The following MRE11 variants were observed in gnomAD, a reference collection of about 807,000 sequenced individuals.
MRE11 encodes the protein MRE11 double strand break repair nuclease, also known as double-strand break repair protein MRE11.
MRE11 carries 62 observed loss-of-function variants against 91.7 expected under a neutral mutation model. That is an observed-to-expected ratio of 0.68 (90% confidence interval 0.55 to 0.84). MRE11 has a LOEUF of 0.84. Ranked by LOEUF, MRE11 falls within the 40% of genes least tolerant of loss-of-function variation. The pLI is 0.00. For missense variants in MRE11, 796 were observed against 852.9 expected, an observed-to-expected ratio of 0.93 and a Z score of 0.83; for synonymous variants, 273 against 271.4, an observed-to-expected ratio of 1.01 and a Z score of -0.06.
intron 14 of MRE11, among the ~76,000 whole-genome samples, chr11:94,453,500 T>A (rs150551184): frequency 1.5e-3 from 221 of 152,350 alleles, no homozygotes; most frequent in South Asian, 4.1e-3. Context: ...GGTGTTTTAA[T>A]AACAGCCATC....
Position 94,447,458 on chromosome 11 carries a change from G to C in MRE11, c.1564-20C>G, listed in dbSNP as rs191097162. 1.0e-5 allele frequency: 16 copies of C among 1,605,776 alleles called. No homozygotes were observed. The highest frequency in any genetic ancestry group is 1.4e-5 in the Non-Finnish European group (16 of 1,172,466). On this transcript the variant is annotated intron_variant, in intron 14 of 19. Coordinates refer to ENST00000323929, the MANE Select transcript of MRE11 (RefSeq NM_005591.4). ...CATAGCCTAAGAGGGAGAAGAAGGA[G>C]AAAGTACACACAATGAGATAACGTA...
At position 94,484,423 on chromosome 11, in the gene MRE11, C is replaced by T. The variant is rs373022262; in HGVS notation, c.314+1501G>A. ...CAAATTTAAGGAGGAACAGAAAAGT[C>T]GCACAGCCTCAAAATATCTACCCTA... On this transcript the variant is annotated intron_variant, in intron 4 of 19. Coordinates refer to ENST00000323929, the MANE Select transcript of MRE11 (RefSeq NM_005591.4). Among the ~76,000 whole-genome samples the T allele has an allele frequency of 2.1e-4, 32 of 152,256 alleles. 2 individuals carry two copies. Among genetic ancestry groups the T allele is most frequent in the African/African-American group, 6.3e-4 (26 of 41,560 alleles).
chr11:94,419,883 G>A lies in MRE11; in HGVS notation c.*242C>T, dbSNP rs1359148018. ...TAGTTTTTCATTATGAAATAGAAAT[G>A]TAAAATGGTAGCTTTATTTTAATCT... On this transcript the variant is annotated 3_prime_UTR_variant, in exon 20 of 20. Transcript: ENST00000323929. The A allele has an allele frequency of 1.9e-5, 6 of 308,844 alleles. No individual in the cohort carries two copies. The highest frequency in any genetic ancestry group is 6.0e-6 in the Non-Finnish European group (1 of 166,120). 19.1% of individuals were successfully genotyped at this position (308,844 alleles called of 1,614,324 possible). A position where few individuals can be genotyped will look rare whatever the true frequency, so the allele number is the denominator to read the frequency against.
chr11:94,484,892 T>C (rs1420905276), intron 4 of MRE11, among the ~76,000 whole-genome samples: 2 of 152,172 alleles, frequency 1.3e-5, no homozygotes, highest in Admixed American at 6.5e-5. Flanking sequence ...TTCTACTAAA[T>C]GCAATGTGAG....
At chr11:94,498,043 T>A (rs767598661), upstream of MRE11, 2 of 1,518,380 alleles carry the variant, frequency 1.3e-6, no homozygotes, top group South Asian at 2.5e-5. Flanking sequence ...TTGAGTTGAG[T>A]TGAAAGATTT....
At chr11:94,506,583 T>C in the MRE11 span, among the ~76,000 whole-genome samples, 1 of 149,726 alleles carries the variant, frequency 6.7e-6, no homozygotes. Flanking sequence ...AGACAGTAAT[T>C]GCTTTTTTTG....
At chr11:94,498,064 T>C (rs1203218620), upstream of MRE11, 4 of 1,553,816 alleles carry the variant, frequency 2.6e-6, no homozygotes, top group East Asian at 6.8e-5. Context: ...CTTTTTTTTC[T>C]TCTCAGCTTA....
chr11:94,507,099 G>A, the MRE11 span, among the ~76,000 whole-genome samples: 3 of 152,266 alleles, frequency 2.0e-5, no homozygotes, highest in South Asian at 4.1e-4. Context: ...CCCAGCTCAA[G>A]ATCTAGAACA....
chr11:94,484,784 C>A lies in MRE11; in HGVS notation c.314+1140G>T, dbSNP rs13447607. Among the ~76,000 whole-genome samples, 1,099 of 152,242 alleles carry A rather than the reference C, an allele frequency of 7.2e-3. 20 individuals are homozygous for A. The highest frequency in any genetic ancestry group is 0.025 in the African/African-American group (1,040 of 41,530). On this transcript the variant is annotated intron_variant, in intron 4 of 19. Coordinates refer to ENST00000323929, the MANE Select transcript of MRE11 (RefSeq NM_005591.4). ...CAGGAGAAAATACCAAATTGAGGGA[C>A]GTTCTACAAAATACCTGACCTCTTT...
chr11:94,439,188 CAG>C (rs1945707472), intron 16 of MRE11, among the ~76,000 whole-genome samples: 1 of 152,088 alleles, frequency 6.6e-6, no homozygotes, highest in Admixed American at 6.5e-5. Context: ...CCATTTAAAA[CAG>C]AGATCTAGAA....
rs191147556 is a variant in MRE11, at chr11:94,486,826, G to C, written c.154-742C>G. Among the ~76,000 whole-genome samples the C allele has an allele frequency of 4.6e-5, 7 of 152,266 alleles. No individual in the cohort carries two copies. In the East Asian group the frequency reaches 9.7e-4, roughly 21 times the overall value. On this transcript the variant is annotated intron_variant, in intron 3 of 19. Transcript: ENST00000323929. Reference sequence around the variant, plus strand: ...GAAAGATAAATGATTGTGAGGAAGAGAATTCTAGGAATAACTTCAGTGAAG... The same window carrying C: ...GAAAGATAAATGATTGTGAGGAAGACAATTCTAGGAATAACTTCAGTGAAG...
upstream of MRE11, chr11:94,498,594 C>T: frequency 7.2e-7 from 1 of 1,383,026 alleles, no homozygotes; most frequent in Non-Finnish European, 9.9e-7. Flanking sequence ...AGATGTATTC[C>T]CATAATCAAA....
At chr11:94,498,053 T>G (rs766198771), upstream of MRE11, 1 of 1,536,966 alleles carries the variant, frequency 6.5e-7, no homozygotes, top group South Asian at 1.2e-5. Flanking sequence ...TTGAAAGATT[T>G]CTTTTTTTTC....
At chr11:94,488,970 CTTAA>C (rs985902938) in intron 3 of MRE11, among the ~76,000 whole-genome samples, 124 of 152,232 alleles carry the variant, frequency 8.1e-4, no homozygotes, top group African/African-American at 2.9e-3. Context: ...CATTGCCTCA[CTTAA>C]TTAAGAAATT....
chr11:94,474,662 T>C (rs975296482), intron 7 of MRE11, among the ~76,000 whole-genome samples: 1 of 152,112 alleles, frequency 6.6e-6, no homozygotes, highest in African/African-American at 2.4e-5. Flanking sequence ...CCAAAAATAT[T>C]TATTAATTGA....
In MRE11 at chr11:94,429,993, CAAAACAAAAACA is replaced by C. The variant is rs768294115; in HGVS notation, c.1995-19_1995-8del. 20 of 1,613,734 alleles carry C rather than the reference CAAAACAAAAACA, an allele frequency of 1.2e-5. No individual in the cohort carries two copies. Among genetic ancestry groups the C allele is most frequent in the Middle Eastern group, 1.6e-4 (1 of 6,064 alleles). On this transcript the variant is annotated splice_region_variant and splice_polypyrimidine_tract_variant and intron_variant, in intron 18 of 19. Coordinates refer to ENST00000323929, the MANE Select transcript of MRE11 (RefSeq NM_005591.4). ...GGATGATGTGCTGGACCACCTGAGG[CAAAACAAAAACA>C]AAAACAAACACAATGAACTACATAA...
Position 94,443,104 on chromosome 11 carries a change from T to C in MRE11, c.1867+2706A>G, listed in dbSNP as rs1057316696. Among the ~76,000 whole-genome samples, 8 of 152,246 alleles carry C rather than the reference T, an allele frequency of 5.3e-5. No individual in the cohort carries two copies. The East Asian group carries it at 1.5e-3, about 29-fold the overall frequency. ...TTTGTATCTTTTCTTCAATGTCAGC[T>C]GTCATTTGATAAATGTTGAAAATTC... On this transcript the variant is annotated intron_variant, in intron 16 of 19. Coordinates refer to ENST00000323929, the MANE Select transcript of MRE11 (RefSeq NM_005591.4).
At chr11:94,420,925 G>C (rs1000554822) in intron 19 of MRE11, among the ~76,000 whole-genome samples, 1 of 152,020 alleles carries the variant, frequency 6.6e-6, no homozygotes, top group Non-Finnish European at 1.5e-5. Context: ...CCAGCTACTC[G>C]GGAGGCTGAG....
chr11:94,492,614 A>C, intron 2 of MRE11, 168 bp downstream of exon 2: 5 of 1,212,234 alleles, frequency 4.1e-6, no homozygotes, highest in Non-Finnish European at 5.8e-6. Flanking sequence ...GTTAACAAAC[A>C]GATAAATATT....
Sources: gnomAD v4.1 joint callset for allele counts (sites outside exome capture counted in the v4.1 genomes callset) on GRCh38, gnomAD v4.1.1 for gene constraint, MANE v1.5 for transcripts, NCBI Gene and HGNC (gene_info 2026-07-23, HGNC 2026-07-21) for gene names.